SND1: variants seen among roughly 807,000 people sequenced by gnomAD.
The protein encoded by SND1 is staphylococcal nuclease domain-containing protein 1.
SND1 carries 38 observed loss-of-function variants against 121.7 expected under a neutral mutation model. The ratio of observed to expected loss-of-function variants is 0.31; its 90% CI spans 0.24 to 0.41. The LOEUF (loss-of-function observed/expected upper bound fraction) is 0.41, where lower values mean the gene tolerates loss of function less well. Ranked by LOEUF, SND1 falls within the 10% of genes least tolerant of loss-of-function variation. The pLI is 1.00. For missense variants in SND1, 868 were observed against 1,184.6 expected, an observed-to-expected ratio of 0.73 and a Z score of 3.92; for synonymous variants, 401 against 447.4, an observed-to-expected ratio of 0.90 and a Z score of 1.31.
At chr7:128,017,692 G>C (rs181787730) in intron 16 of SND1, among the ~76,000 whole-genome samples, 3 of 152,284 alleles carry the variant, frequency 2.0e-5, no homozygotes, top group East Asian at 1.9e-4. Context: ...CACTCGGGGA[G>C]GGGGGGCAAA....
chr7:127,789,648 GT>G (rs1463045068), intron 10 of SND1, among the ~76,000 whole-genome samples: 2 of 152,204 alleles, frequency 1.3e-5, no homozygotes, highest in Non-Finnish European at 2.9e-5. Context: ...AGGCATGCAG[GT>G]TGGTTTTCCC....
intron 16 of SND1, among the ~76,000 whole-genome samples, chr7:128,066,561 C>T (rs996131445): frequency 3.9e-5 from 6 of 152,218 alleles, no homozygotes; most frequent in Non-Finnish European, 7.3e-5. Context: ...CAGATGGTAA[C>T]GAGACCCAGG....
intron 10 of SND1, among the ~76,000 whole-genome samples, chr7:127,729,986 G>A (rs12540484): frequency 0.27 from 41,545 of 151,954 alleles, 7,197 homozygotes; most frequent in East Asian, 0.7. Flanking sequence ...TATTTGAGAC[G>A]AAGTCTCGCT....
At chr7:127,654,718 T>G (rs1361141428) in intron 1 of SND1, among the ~76,000 whole-genome samples, 1 of 152,236 alleles carries the variant, frequency 6.6e-6, no homozygotes, top group African/African-American at 2.4e-5. Context: ...TTGAGCCATC[T>G]GTACTGAGTA....
chr7:127,716,565 A>G (rs1480323730), intron 9 of SND1, among the ~76,000 whole-genome samples: 4 of 150,344 alleles, frequency 2.7e-5, no homozygotes, highest in African/African-American at 9.8e-5. Flanking sequence ...ATATCCTGCT[A>G]CTTCATGAAT....
intron 15 of SND1, 89 bp downstream of exon 15, chr7:127,929,418 C>T: frequency 7.8e-7 from 1 of 1,284,834 alleles, no homozygotes; most frequent in Non-Finnish European, 1.1e-6. Context: ...TCTAGATAGG[C>T]CCTAGAGCCC....
At chr7:127,680,708 A>G (rs1258314647) in intron 1 of SND1, among the ~76,000 whole-genome samples, 3 of 151,090 alleles carry the variant, frequency 2.0e-5, no homozygotes, top group African/African-American at 7.3e-5. Flanking sequence ...CACACGCTCT[A>G]CAGTTTGTAC....
intron 15 of SND1, among the ~76,000 whole-genome samples, chr7:127,980,514 A>G (rs1220622059): frequency 6.6e-6 from 1 of 152,030 alleles, no homozygotes; most frequent in Non-Finnish European, 1.5e-5. Context: ...TTGGTTCTTA[A>G]GTCTTAATAT....
intron 16 of SND1, chr7:128,030,629 C>T (rs1006088956): frequency 6.4e-7 from 1 of 1,560,114 alleles, no homozygotes; most frequent in Non-Finnish European, 8.7e-7. Flanking sequence ...TTACCTGCCA[C>T]AAGAGCTTCA....
At chr7:127,914,310 T>C (rs926954565) in intron 14 of SND1, among the ~76,000 whole-genome samples, 1 of 152,208 alleles carries the variant, frequency 6.6e-6, no homozygotes, top group African/African-American at 2.4e-5. Context: ...TAGCATTTGT[T>C]GAATCACATT....
At chr7:127,873,854 A>G (rs917722277) in intron 12 of SND1, among the ~76,000 whole-genome samples, 3 of 152,110 alleles carry the variant, frequency 2.0e-5, no homozygotes, top group Admixed American at 6.5e-5. Flanking sequence ...CTCATAATGT[A>G]CTGTTAAGAT....
At chr7:127,754,166 G>T (rs901578844) in intron 10 of SND1, among the ~76,000 whole-genome samples, 5 of 152,190 alleles carry the variant, frequency 3.3e-5, no homozygotes, top group Admixed American at 2.6e-4. Flanking sequence ...AATAGAAAAT[G>T]ATTTCTCTGT....
At chr7:127,740,749 A>G in intron 10 of SND1, among the ~76,000 whole-genome samples, 1 of 152,176 alleles carries the variant, frequency 6.6e-6, no homozygotes, top group African/African-American at 2.4e-5. Context: ...TCTGATGTGC[A>G]GCTAGGATTG....
chr7:128,047,271 C>T (rs563987108), intron 16 of SND1, among the ~76,000 whole-genome samples: 41 of 152,350 alleles, frequency 2.7e-4, no homozygotes, highest in African/African-American at 9.4e-4. Context: ...ACCCGTGGAC[C>T]TTTCCACAGT....
intron 15 of SND1, among the ~76,000 whole-genome samples, chr7:127,980,112 T>TAAAGTAAAGTTAGTGAGGTGAAGGAC (rs1563077434): frequency 2.3e-4 from 11 of 47,240 alleles, no homozygotes; most frequent in South Asian, 5.4e-4. Context: ...TCTTTTTCTT[T>TAAAGTAAAGTTAGTGAGGTGAAGGAC]TTTTTTTTTT....
At chr7:127,717,598 G>A (rs150754226) in intron 9 of SND1, among the ~76,000 whole-genome samples, 92 of 152,258 alleles carry the variant, frequency 6.0e-4, no homozygotes, top group African/African-American at 2.1e-3. Context: ...AAGAGACATA[G>A]CATACAACCT....
intron 10 of SND1, among the ~76,000 whole-genome samples, chr7:127,754,173 CTGT>C (rs1186776211): frequency 2.0e-5 from 3 of 152,104 alleles, no homozygotes; most frequent in African/African-American, 7.2e-5. Flanking sequence ...AATGATTTCT[CTGT>C]TGGAATTGTA....
At chr7:128,003,267 A>T (rs1477549662) in intron 16 of SND1, among the ~76,000 whole-genome samples, 1 of 152,198 alleles carries the variant, frequency 6.6e-6, no homozygotes. Context: ...AACAAGACTG[A>T]AAAGGATAGG....
At chr7:127,834,714 C>A (rs1798833275) in intron 11 of SND1, among the ~76,000 whole-genome samples, 1 of 152,102 alleles carries the variant, frequency 6.6e-6, no homozygotes, top group Non-Finnish European at 1.5e-5. Context: ...AGTGCTATAT[C>A]CTTGTGTTAT....
Sources: allele counts gnomAD v4.1 joint callset (sites outside exome capture counted in the v4.1 genomes callset), GRCh38; gene constraint gnomAD v4.1.1; transcripts MANE v1.5; gene names NCBI Gene and HGNC (gene_info 2026-07-23, HGNC 2026-07-21).